Variants in TRMT11 observed in about 807,000 individuals in gnomAD.
TRMT11 encodes tRNA methyltransferase 11.
TRMT11 carries 53 observed loss-of-function variants against 62.8 expected under a neutral mutation model. The ratio of observed to expected loss-of-function variants is 0.84; its 90% CI spans 0.68 to 1.06. TRMT11 has a LOEUF of 1.06. TRMT11 is among the 50% of genes least tolerant of loss of function. The pLI is 0.00. For synonymous variants in TRMT11, 188 were observed against 190.3 expected, an observed-to-expected ratio of 0.99 and a Z score of 0.10; for missense variants, 556 against 553.4, an observed-to-expected ratio of 1.00 and a Z score of -0.05.
Position 125,986,555 on chromosome 6 carries a change from C to T in TRMT11, c.5C>T (p.Ala2Val), listed in dbSNP as rs199550556. 5.0e-6 allele frequency: 8 copies of T among 1,588,856 alleles called. No homozygotes were observed. The highest frequency in any genetic ancestry group is 2.3e-5 in the South Asian group (2 of 87,100). The change falls in exon 1 of 13, where the codon GCG (alanine) becomes GTG (valine). Residue 2 changes from alanine to valine, a missense_variant. Ala to Val is a moderately conservative substitution (Grantham distance 64). Transcript: ENST00000334379. M[A>V]LSCTLNRYLL... The stretch of plus-strand genomic sequence containing the variant: ...GGCGCACGGTGGGCAGCTGCAATGG[C>T]GCTGTCGTGTACCCTTAACAGGTAT...
chr6:126,269,888 G>A, the TRMT11 span, among the ~76,000 whole-genome samples: 1 of 152,150 alleles, frequency 6.6e-6, no homozygotes, highest in East Asian at 1.9e-4. Flanking sequence ...GAAACATAAG[G>A]ATAAGTCAGA....
At chr6:126,091,172 C>G (rs1168520480) in intron 17 of TRMT11, among the ~76,000 whole-genome samples, 1 of 149,468 alleles carries the variant, frequency 6.7e-6, no homozygotes, top group Non-Finnish European at 1.5e-5. Flanking sequence ...CCACTGCACT[C>G]CAGCCTGGGT....
intron 21 of TRMT11, among the ~76,000 whole-genome samples, chr6:126,162,340 T>C (rs1778200806): frequency 6.6e-6 from 1 of 152,246 alleles, no homozygotes; most frequent in South Asian, 2.1e-4. Flanking sequence ...ATTTCTTGTT[T>C]TTGTCAAGTT....
At chr6:126,162,856 C>G (rs994821323) in intron 21 of TRMT11, among the ~76,000 whole-genome samples, 3 of 151,976 alleles carry the variant, frequency 2.0e-5, no homozygotes, top group African/African-American at 7.2e-5. Flanking sequence ...TGATTTGGCT[C>G]TCTGTATATT....
At chr6:126,066,186 C>T (rs933211535) in intron 17 of TRMT11, among the ~76,000 whole-genome samples, 9 of 152,222 alleles carry the variant, frequency 5.9e-5, no homozygotes, top group African/African-American at 2.2e-4. Flanking sequence ...ACCTCTGCCT[C>T]CAGGCCAGGG....
intron 17 of TRMT11, among the ~76,000 whole-genome samples, chr6:126,094,937 G>A (rs891912751): frequency 3.3e-5 from 5 of 152,216 alleles, no homozygotes; most frequent in East Asian, 1.9e-4. Context: ...GAAAGAAGCC[G>A]GCTTGAGAAT....
intron 16 of TRMT11, among the ~76,000 whole-genome samples, chr6:126,044,309 G>A (rs1318345454): frequency 6.6e-6 from 1 of 152,168 alleles, no homozygotes; most frequent in Non-Finnish European, 1.5e-5. Flanking sequence ...TGTTAAATAG[G>A]GAATCCTTTC....
intron 21 of TRMT11, among the ~76,000 whole-genome samples, chr6:126,170,855 A>C (rs1036392775): frequency 6.6e-6 from 1 of 152,202 alleles, no homozygotes; most frequent in Non-Finnish European, 1.5e-5. Context: ...GAAAAACATA[A>C]AGTGAAAACT....
intron 6 of TRMT11, 23 bp downstream of exon 6, chr6:125,998,707 T>C: frequency 6.2e-7 from 1 of 1,602,566 alleles, no homozygotes. Flanking sequence ...TCTTTCTACC[T>C]ATGTCAGTTT....
chr6:126,232,858 G>C, the TRMT11 span, among the ~76,000 whole-genome samples: 1 of 152,166 alleles, frequency 6.6e-6, no homozygotes, highest in Non-Finnish European at 1.5e-5. Flanking sequence ...AGTTTCTAAT[G>C]CTTCCTGTAA....
intron 21 of TRMT11, among the ~76,000 whole-genome samples, chr6:126,147,941 A>C (rs1160474831): frequency 6.6e-6 from 1 of 152,092 alleles, no homozygotes; most frequent in Non-Finnish European, 1.5e-5. Flanking sequence ...AGAAATACCT[A>C]ATGTAGATGA....
At chr6:126,222,877 G>A in the TRMT11 span, among the ~76,000 whole-genome samples, 1 of 151,312 alleles carries the variant, frequency 6.6e-6, no homozygotes, top group Non-Finnish European at 1.5e-5. Context: ...GTTGTTACCT[G>A]GTTCCTATAT....
At chr6:126,262,263 G>A in the TRMT11 span, among the ~76,000 whole-genome samples, 1 of 152,192 alleles carries the variant, frequency 6.6e-6, no homozygotes, top group Non-Finnish European at 1.5e-5. Context: ...AGGTGTGGGT[G>A]CACATGAACT....
At chr6:125,989,482 A>G (rs1292012039) in intron 1 of TRMT11, among the ~76,000 whole-genome samples, 4 of 152,132 alleles carry the variant, frequency 2.6e-5, no homozygotes, top group Admixed American at 6.5e-5. Flanking sequence ...AGGAAGTGAC[A>G]AGATCATTTG....
the TRMT11 span, among the ~76,000 whole-genome samples, chr6:126,263,271 A>G: frequency 6.6e-5 from 10 of 152,114 alleles, no homozygotes; most frequent in Non-Finnish European, 4.4e-5. Flanking sequence ...TTTTGGGGGG[A>G]AAATAGTGAA....
chr6:126,012,815 A>G lies in TRMT11; in HGVS notation c.970A>G (p.Lys324Glu). Reference protein sequence around the residue: ...RESTRRTGSQKEIPKGIEKWE... With the variant: ...RESTRRTGSQEEIPKGIEKWE... ...ATCTACAAGAAGAACAGGTTCACAG[A>G]AGGAGATACCAAAGGGGATAGAAAA... is the stretch of plus-strand genomic sequence containing the variant. Residue 324 changes from lysine to glutamate, a missense_variant, in exon 10 of 13, where the codon AAG (lysine) becomes GAG (glutamate). Transcript: ENST00000334379. The G allele has an allele frequency of 6.2e-7, 1 of 1,613,844 alleles. No homozygotes were observed. The highest frequency in any genetic ancestry group is 8.5e-7 in the Non-Finnish European group (1 of 1,179,748).
At chr6:126,183,154 T>C (rs1207478706) in intron 1 of TRMT11, among the ~76,000 whole-genome samples, 2 of 152,186 alleles carry the variant, frequency 1.3e-5, no homozygotes, top group Non-Finnish European at 2.9e-5. Context: ...AAACTTTCCC[T>C]TTTTAGGAGC....
At chr6:126,247,481 C>CTATG in the TRMT11 span, among the ~76,000 whole-genome samples, 1 of 148,354 alleles carries the variant, frequency 6.7e-6, no homozygotes, top group African/African-American at 2.5e-5. Flanking sequence ...ATCTATCTAT[C>CTATG]TATCTATCTA....
intron 12 of TRMT11, among the ~76,000 whole-genome samples, chr6:126,021,983 C>A (rs763282185): frequency 6.7e-6 from 1 of 149,806 alleles, no homozygotes; most frequent in Non-Finnish European, 1.5e-5. Flanking sequence ...CTTGGATGAC[C>A]CCCATTCTTG....
Sources: gnomAD v4.1 joint callset for allele counts (sites outside exome capture counted in the v4.1 genomes callset) on GRCh38, gnomAD v4.1.1 for gene constraint, MANE v1.5 for transcripts, NCBI Gene and HGNC (gene_info 2026-07-23, HGNC 2026-07-21) for gene names.